The following KCNJ6 variants were observed in gnomAD, a reference collection of about 807,000 sequenced individuals.
The protein encoded by KCNJ6 is potassium inwardly rectifying channel subfamily J member 6, also known as G protein-activated inward rectifier potassium channel 2.
Under a neutral mutation model 34.2 loss-of-function variants are expected in KCNJ6, and 9 were observed. That is an observed-to-expected ratio of 0.26 (90% CI 0.16 to 0.46). The LOEUF is 0.46. Ranked by LOEUF, KCNJ6 falls within the 20% of genes least tolerant of loss-of-function variation. The probability of loss-of-function intolerance (pLI) is 1.00; values close to 1 mark genes in which losing one functional copy is unlikely to be tolerated. For synonymous variants in KCNJ6, 196 were observed against 207.1 expected, an observed-to-expected ratio of 0.95 and a Z score of 0.46; for missense variants, 236 against 531.3, an observed-to-expected ratio of 0.44 and a Z score of 5.46.
At chr21:37,630,770 A>AT (rs1387698812) in intron 3 of KCNJ6, among the ~76,000 whole-genome samples, 1 of 152,144 alleles carries the variant, frequency 6.6e-6, no homozygotes, top group Non-Finnish European at 1.5e-5. Context: ...TCACACACTT[A>AT]TTTTTTTGTT....
chr21:37,770,462 T>C (rs1013926340), intron 2 of KCNJ6, among the ~76,000 whole-genome samples: 2 of 152,174 alleles, frequency 1.3e-5, no homozygotes, highest in Non-Finnish European at 2.9e-5. Context: ...TTGATCCTTA[T>C]CAACAACAGG....
chr21:37,850,629 T>C (rs1433080547), intron 1 of KCNJ6, among the ~76,000 whole-genome samples: 3 of 151,594 alleles, frequency 2.0e-5, no homozygotes, highest in Non-Finnish European at 4.4e-5. Context: ...GCCAAAAAGG[T>C]TGGAGGCTGC....
At chr21:37,663,446 AAG>A (rs1276313031) in intron 3 of KCNJ6, among the ~76,000 whole-genome samples, 1 of 132,558 alleles carries the variant, frequency 7.5e-6, no homozygotes, top group Non-Finnish European at 1.6e-5. Flanking sequence ...TTAAAAGACA[AAG>A]AGAGTTTCAT....
chr21:37,675,306 G>A lies in KCNJ6; in HGVS notation c.946+38905C>T, dbSNP rs2054559648. ...AAGGCCACACAGATGAGACCTCAGA[G>A]AGGAAGGAATCAAGTTGGCGGGGAT... On this transcript the variant is annotated intron_variant, in intron 3 of 3. Transcript: ENST00000609713. The surrounding 1 kb of genome is among the most constrained non-coding windows in gnomAD (Gnocchi z 4.2). 6.6e-6 allele frequency among the ~76,000 whole-genome samples: 1 copy of A among 152,280 alleles called. No homozygotes were observed. The highest frequency in any genetic ancestry group is 1.5e-5 in the Non-Finnish European group (1 of 68,052).
At chr21:37,896,040 T>C (rs2055786206) in intron 1 of KCNJ6, among the ~76,000 whole-genome samples, 1 of 152,162 alleles carries the variant, frequency 6.6e-6, no homozygotes, top group East Asian at 1.9e-4. Flanking sequence ...AGAATGATGC[T>C]GGCATTTGCG....
At chr21:37,796,830 A>C (rs2055245405) in intron 2 of KCNJ6, among the ~76,000 whole-genome samples, 1 of 110,312 alleles carries the variant, frequency 9.1e-6, no homozygotes, top group Admixed American at 1.5e-4. Context: ...TCTGTCGCCC[A>C]GGCCGGACTG....
intron 1 of KCNJ6, among the ~76,000 whole-genome samples, chr21:37,852,052 T>A (rs1054755429): frequency 6.6e-6 from 1 of 152,194 alleles, no homozygotes; most frequent in Non-Finnish European, 1.5e-5. Context: ...AGAAAACCTT[T>A]GAACAATAAC....
chr21:37,840,756 T>TCA, intron 1 of KCNJ6, 47 bp from the exon 2 acceptor site: 1 of 1,060,722 alleles, frequency 9.4e-7, no homozygotes, highest in Non-Finnish European at 1.4e-6. Context: ...ATGTCTTAGA[T>TCA]ATGAATTGAT....
rs2054227440 is a variant in KCNJ6 at position 37,607,465 on chromosome 21, T to TAG, written c.*17693_*17694insCT. 1.5e-5 allele frequency: 2 copies of TAG among 129,356 alleles called. No homozygotes were observed. Among genetic ancestry groups the TAG allele is most frequent in the African/African-American group, 6.1e-5 (2 of 32,594 alleles). 8.0% of individuals were successfully genotyped at this position (129,356 alleles called of 1,614,324 possible). On this transcript the variant is annotated 3_prime_UTR_variant, in exon 4 of 4. Coordinates refer to ENST00000609713, the MANE Select transcript of KCNJ6 (RefSeq NM_002240.5). ...CCCTAACACAGCGAGTTCTTAAAGATATATATATATATATATATTTTTTTT... is the reference window on the plus strand; with the variant it reads ...CCCTAACACAGCGAGTTCTTAAAGATAGATATATATATATATATATTTTTTTT...
chr21:37,835,264 C>G (rs181734976), intron 2 of KCNJ6, among the ~76,000 whole-genome samples: 1 of 152,186 alleles, frequency 6.6e-6, no homozygotes, highest in Admixed American at 6.5e-5. Context: ...AGCTTGCCAG[C>G]AGAACCCTGA....
chr21:37,668,345 G>A (rs1158673135), intron 3 of KCNJ6, among the ~76,000 whole-genome samples: 1 of 152,104 alleles, frequency 6.6e-6, no homozygotes, highest in Non-Finnish European at 1.5e-5. Flanking sequence ...AACCACAGAT[G>A]GCGCCTTAAA....
intron 3 of KCNJ6, among the ~76,000 whole-genome samples, chr21:37,628,866 C>G (rs1051075518): frequency 2.0e-5 from 3 of 152,064 alleles, no homozygotes; most frequent in Admixed American, 2.0e-4. Context: ...ACCATGGAAG[C>G]CAGAAGGCCA....
At chr21:37,859,532 A>ATAAATAT (rs1568875152) in intron 1 of KCNJ6, among the ~76,000 whole-genome samples, 7 of 77,810 alleles carry the variant, frequency 9.0e-5, no homozygotes, top group African/African-American at 5.3e-4. Context: ...TATATATATA[A>ATAAATAT]AATACTTAAA....
At position 37,614,736 on chromosome 21, in the gene KCNJ6, G is replaced by A. The variant is rs1195684266; in HGVS notation, c.*10423C>T. 2 of 143,058 alleles carry A rather than the reference G, an allele frequency of 1.4e-5. No homozygotes were observed. The highest frequency in any genetic ancestry group is 5.0e-5 in the African/African-American group (2 of 40,232). The allele number at this position is 143,058 out of a possible 1,614,324, so 8.9% of individuals were successfully genotyped here. Reference sequence around the variant, plus strand: ...TGTGCATGTATGCGTGTGTGTGTATGCGCATGTCTCTGTATGTGTGTGTAT... The same window carrying A: ...TGTGCATGTATGCGTGTGTGTGTATACGCATGTCTCTGTATGTGTGTGTAT... On this transcript the variant is annotated 3_prime_UTR_variant, in exon 4 of 4. Coordinates refer to ENST00000609713, the MANE Select transcript of KCNJ6 (RefSeq NM_002240.5).
chr21:37,607,482 A>ATATATATATTTTTTTT lies in KCNJ6; in HGVS notation c.*17676_*17677insAAAAAAAATATATATA. On this transcript the variant is annotated 3_prime_UTR_variant, in exon 4 of 4. Coordinates refer to ENST00000609713, the MANE Select transcript of KCNJ6 (RefSeq NM_002240.5). ...CTTAAAGATATATATATATATATAT[A>ATATATATATTTTTTTT]TTTTTTTTTTATTTTAAAAAAATTT... The ATATATATATTTTTTTT allele has an allele frequency of 2.7e-4, 37 of 136,758 alleles. No homozygotes were observed. The highest frequency in any genetic ancestry group is 4.9e-4 in the Non-Finnish European group (32 of 64,762). 8.5% of individuals were successfully genotyped at this position (136,758 alleles called of 1,614,324 possible).
chr21:37,716,798 T>C (rs537123742), intron 2 of KCNJ6, among the ~76,000 whole-genome samples: 1 of 152,354 alleles, frequency 6.6e-6, no homozygotes, highest in South Asian at 2.1e-4. Context: ...CGATTTCTGC[T>C]GTTTAAAAGC....
chr21:37,891,579 C>T (rs538000478), intron 1 of KCNJ6, among the ~76,000 whole-genome samples: 2 of 152,006 alleles, frequency 1.3e-5, no homozygotes, highest in African/African-American at 4.8e-5. Flanking sequence ...ATTTGTGTAA[C>T]AGGGGATTTA....
chr21:37,903,372 TCCA>T (rs1206294494), intron 1 of KCNJ6, among the ~76,000 whole-genome samples: 1 of 152,228 alleles, frequency 6.6e-6, no homozygotes, highest in Non-Finnish European at 1.5e-5. Context: ...TCTTTCATCT[TCCA>T]CCATGATTGT....
chr21:37,881,842 T>A (rs1910180718), intron 1 of KCNJ6, among the ~76,000 whole-genome samples: 1 of 152,100 alleles, frequency 6.6e-6, no homozygotes, highest in South Asian at 2.1e-4. Flanking sequence ...GAACATTCAG[T>A]CTACAGCAGT....
Sources: gnomAD v4.1 joint callset for allele counts (sites outside exome capture counted in the v4.1 genomes callset) on GRCh38, gnomAD v4.1.1 for gene constraint, Gnocchi (gnomAD v3.1) non-coding constraint, MANE v1.5 for transcripts, NCBI Gene and HGNC (gene_info 2026-07-23, HGNC 2026-07-21) for gene names.